Variants in PKD1L1 observed in about 807,000 individuals in gnomAD.
PKD1L1 encodes the protein polycystin-1-like protein 1.
Under a neutral mutation model 323.4 loss-of-function variants are expected in PKD1L1, and 236 were observed. The ratio of observed to expected loss-of-function variants is 0.73; its 90% CI spans 0.66 to 0.81. PKD1L1 has a LOEUF of 0.81. Among genes scored for constraint, PKD1L1 ranks in the 40% least tolerant of loss-of-function variants. PKD1L1 has a pLI of 0.00. For synonymous variants in PKD1L1, 1,344 were observed against 1,335.0 expected (o/e 1.01, Z -0.15); for missense variants, 3,320 against 3,508.0 (o/e 0.95, Z 1.35).
intron 50 of PKD1L1, 135 bp downstream of exon 50, chr7:47,811,682 G>C: frequency 1.5e-6 from 1 of 687,678 alleles, no homozygotes; most frequent in Non-Finnish European, 2.5e-6. Context: ...GCAAGAAGGG[G>C]ATGTGACAAA....
intron 3 of PKD1L1, among the ~76,000 whole-genome samples, chr7:47,939,983 C>G (rs1439785570): frequency 6.6e-6 from 1 of 152,226 alleles, no homozygotes; most frequent in African/African-American, 2.4e-5. Flanking sequence ...CTGGGCTGGG[C>G]TAGCCCTGCC....
chr7:47,858,716 T>C lies in PKD1L1; in HGVS notation c.4319A>G (p.Tyr1440Cys), dbSNP rs780769289. The C allele has an allele frequency of 5.6e-6, 9 of 1,613,994 alleles. No individual in the cohort carries two copies. The highest frequency in any genetic ancestry group is 1.7e-5 in the Admixed American group (1 of 60,006). The change falls in exon 27 of 57, where the codon TAT (tyrosine) becomes TGT (cysteine). Residue 1440 changes from tyrosine (Y) to cysteine (C), a missense_variant. By Grantham distance (194) the Tyr-to-Cys change is radical. Coordinates refer to ENST00000289672, the MANE Select transcript of PKD1L1 (RefSeq NM_138295.5). ...GACTGTAATTCCTTCTTCATGTCGA[T>C]AGACTTCCTCCTTCGAGTTTTCTTG... ...SEQENSKEEVYRHEEGITVIS... is the reference protein window; with the variant it reads ...SEQENSKEEVCRHEEGITVIS...
rs1007145713 is a variant in PKD1L1, at chr7:47,931,103, C to A, written c.737+1G>T. 6.2e-7 allele frequency: 1 copy of A among 1,613,460 alleles called. No individual in the cohort carries two copies. The highest frequency in any genetic ancestry group is 1.7e-5 in the Admixed American group (1 of 60,024). Reference sequence around the variant, plus strand: ...TGGCCTCCATACCTCCTTCACCGTACCTTCTGGGAGAAGTGGGAAAATGTG... The same window carrying A: ...TGGCCTCCATACCTCCTTCACCGTAACTTCTGGGAGAAGTGGGAAAATGTG... On this transcript the variant is annotated splice_donor_variant, in intron 6 of 56. Coordinates refer to ENST00000289672, the MANE Select transcript of PKD1L1 (RefSeq NM_138295.5). LOFTEE classifies it high-confidence loss of function.
At chr7:47,912,612 T>C (rs1479092297) in intron 8 of PKD1L1, among the ~76,000 whole-genome samples, 1 of 151,736 alleles carries the variant, frequency 6.6e-6, no homozygotes, top group East Asian at 1.9e-4. Flanking sequence ...GGTCAGGAGT[T>C]TGAGCCTGGC....
rs558392504 is a variant in PKD1L1, at chr7:47,788,272, T to C, written c.8526+4355A>G. Among the ~76,000 whole-genome samples the C allele has an allele frequency of 9.9e-5, 15 of 151,204 alleles. 1 individual carries two copies. The South Asian group carries it at 3.1e-3, about 31-fold the overall frequency. On this transcript the variant is annotated intron_variant, in intron 56 of 56. Coordinates refer to ENST00000289672, the MANE Select transcript of PKD1L1 (RefSeq NM_138295.5). ...AGGTTATTAATATATTCTTTTTTTA[T>C]TTATTATTTCATTTATTTTTATTTT...
At chr7:47,856,627 C>T (rs1785910655) in intron 28 of PKD1L1, among the ~76,000 whole-genome samples, 1 of 152,104 alleles carries the variant, frequency 6.6e-6, no homozygotes, top group Admixed American at 6.6e-5. Context: ...CTGCCGAGCA[C>T]CCTGGTTTAC....
Position 47,829,504 on chromosome 7 carries a change from T to A in PKD1L1, c.6656A>T (p.Glu2219Val), listed in dbSNP as rs112467955. ...LCEATRDLDSELAERSWTRLP... is the reference protein window; with the variant it reads ...LCEATRDLDSVLAERSWTRLP... ...GCGAGTCCAGGAACGTTCTGCCAAT[T>A]CAGAGTCCAGATCCCTGGTAGCCTC... Residue 2219 changes from glutamate to valine, a missense_variant, in exon 44 of 57, where the codon GAA becomes GTA. Transcript: ENST00000289672. 52 of 1,614,126 alleles carry A rather than the reference T, an allele frequency of 3.2e-5. 1 individual carries two copies. In the Middle Eastern group the frequency reaches 2.0e-3, roughly 61 times the overall value.
the PKD1L1 span, chr7:47,957,320 T>A: frequency 2.0e-5 from 3 of 152,588 alleles, no homozygotes; most frequent in East Asian, 5.8e-4. Context: ...AATAGGAACA[T>A]GCTGTAATTA....
At chr7:47,821,564 G>A (rs1014696708) in intron 45 of PKD1L1, among the ~76,000 whole-genome samples, 13 of 150,514 alleles carry the variant, frequency 8.6e-5, no homozygotes, top group Middle Eastern at 3.6e-3. Flanking sequence ...TCACCATGCC[G>A]GGCCAGAAGA....
At chr7:47,863,113 G>C (rs1392073068) in intron 26 of PKD1L1, among the ~76,000 whole-genome samples, 1 of 152,144 alleles carries the variant, frequency 6.6e-6, no homozygotes, top group Non-Finnish European at 1.5e-5. Flanking sequence ...AGAACAGATG[G>C]GACTTCTTTA....
Position 47,851,259 on chromosome 7 carries a change from C to T in PKD1L1, c.4960+1868G>A, listed in dbSNP as rs540613121. On this transcript the variant is annotated intron_variant, in intron 31 of 56. Coordinates refer to ENST00000289672, the MANE Select transcript of PKD1L1 (RefSeq NM_138295.5). ...GCCAAACACAGGATAAGCCAGGACA[C>T]GCTGGTGTCCCAGAAAGTAAAGAAG... Among the ~76,000 whole-genome samples, 97 of 152,270 alleles carry T rather than the reference C, an allele frequency of 6.4e-4. 2 individuals carry two copies. The highest frequency in any genetic ancestry group is 3.5e-3 in the East Asian group (18 of 5,188).
chr7:47,879,331 T>C (rs187161532), intron 21 of PKD1L1, among the ~76,000 whole-genome samples: 144 of 152,208 alleles, frequency 9.5e-4, no homozygotes, highest in African/African-American at 3.4e-3. Flanking sequence ...AACCTATCTG[T>C]AGATAAAAAT....
chr7:47,779,166 T>G (rs114383727), intron 56 of PKD1L1, among the ~76,000 whole-genome samples: 16,076 of 152,108 alleles, frequency 0.11, 1,211 homozygotes, highest in Non-Finnish European at 0.14. Flanking sequence ...GATCCAAAAG[T>G]GGAAGAAATC....
intron 8 of PKD1L1, among the ~76,000 whole-genome samples, chr7:47,914,755 C>T (rs577432554): frequency 6.6e-6 from 1 of 151,986 alleles, no homozygotes; most frequent in Non-Finnish European, 1.5e-5. Flanking sequence ...TTTCTCCCCC[C>T]CAACATCCCC....
At chr7:47,871,555 C>T (rs985379903) in intron 24 of PKD1L1, among the ~76,000 whole-genome samples, 38 of 152,308 alleles carry the variant, frequency 2.5e-4, no homozygotes, top group Admixed American at 2.4e-3. Flanking sequence ...GGCCTAATCA[C>T]CTCCTACAGA....
At chr7:47,866,920 C>T (rs916675751) in intron 24 of PKD1L1, among the ~76,000 whole-genome samples, 2 of 152,180 alleles carry the variant, frequency 1.3e-5, no homozygotes, top group Non-Finnish European at 2.9e-5. Flanking sequence ...AGAGATACCA[C>T]CACGCTACAG....
intron 48 of PKD1L1, 38 bp downstream of exon 48, chr7:47,813,893 A>G: frequency 6.4e-7 from 1 of 1,563,516 alleles, no homozygotes; most frequent in South Asian, 1.1e-5. Context: ...CTCTAATTCC[A>G]TTTATTCTTG....
chr7:47,884,420 A>C (rs1786635403), intron 19 of PKD1L1, among the ~76,000 whole-genome samples, 178 bp downstream of exon 19: 1 of 152,060 alleles, frequency 6.6e-6, no homozygotes, highest in South Asian at 2.1e-4. Flanking sequence ...GGGCAGAAAG[A>C]GGGGAGCTAG....
chr7:47,916,604 G>T (rs1787433462), intron 7 of PKD1L1, among the ~76,000 whole-genome samples: 1 of 152,186 alleles, frequency 6.6e-6, no homozygotes, highest in Admixed American at 6.5e-5. Context: ...CCCAAATACT[G>T]TGCTGGTATA....
Sources: gnomAD v4.1 joint callset for allele counts (sites outside exome capture counted in the v4.1 genomes callset) on GRCh38, gnomAD v4.1.1 for gene constraint, MANE v1.5 for transcripts, NCBI Gene and HGNC (gene_info 2026-07-23, HGNC 2026-07-21) for gene names.